Variants in SGSM3 observed in about 807,000 individuals in gnomAD.
SGSM3 encodes the protein small G protein signaling modulator 3.
Under a neutral mutation model 100.5 loss-of-function variants are expected in SGSM3, and 96 were observed. The observed-to-expected ratio is 0.96, with a 90% CI of 0.81 to 1.13. The LOEUF is 1.13. Among genes scored for constraint, SGSM3 ranks in the 50% most tolerant of loss-of-function variants. SGSM3 has a pLI of 0.00. For missense variants in SGSM3, 1,001 were observed against 1,015.8 expected, an observed-to-expected ratio of 0.99 and a Z score of 0.20; for synonymous variants, 483 against 422.8, an observed-to-expected ratio of 1.14 and a Z score of -1.75.
chr22:40,401,990 A>G (rs2146959976), intron 3 of SGSM3, 149 bp from the exon 4 acceptor site: 1 of 646,354 alleles, frequency 1.5e-6, no homozygotes, highest in Admixed American at 2.7e-5. Context: ...TTGCGTGGTA[A>G]CCAGAGGCGG....
At position 40,407,880 on chromosome 22, in the gene SGSM3, A is replaced by G. The variant is rs2051844415; in HGVS notation, c.1579+37A>G. 1 of 1,457,162 alleles carries G rather than the reference A, an allele frequency of 6.9e-7. No individual in the cohort carries two copies. Among genetic ancestry groups the G allele is most frequent in the South Asian group, 1.2e-5 (1 of 85,408 alleles). The allele number at this position is 1,457,162 out of a possible 1,614,324, so 90.3% of individuals were successfully genotyped here. A position where few individuals can be genotyped will look rare whatever the true frequency, so the allele number is the denominator to read the frequency against. ...GGTCTGCTCTTGAGCTGGGAGAGGG[A>G]GGAGGGGGTGGGCACAGAAGACTTG... is the stretch of plus-strand genomic sequence containing the variant. On this transcript the variant is annotated intron_variant, in intron 14 of 21. Transcript: ENST00000248929. This position sits in a 1 kb window ranked among gnomAD's most constrained non-coding sequence, Gnocchi z 4.7.
rs1157147821 is a variant in SGSM3 at position 40,397,968 on chromosome 22, C to CTT, written c.-111-2707_-111-2706dup. Among the ~76,000 whole-genome samples, 780 of 116,408 alleles carry CTT rather than the reference C, an allele frequency of 6.7e-3. 4 individuals carry two copies. Among genetic ancestry groups the CTT allele is most frequent in the African/African-American group, 8.5e-3 (233 of 27,482 alleles). 76.4% of individuals were successfully genotyped at this position (116,408 alleles called of 152,430 possible). A position where few individuals can be genotyped will look rare whatever the true frequency, so the allele number is the denominator to read the frequency against. On this transcript the variant is annotated intron_variant, in intron 1 of 21. Transcript: ENST00000248929. ...TTCTGTGTTTATCATCCAATTCTGT[C>CTT]TTTTTTTTTTTTTTTTTTTTTTGAG... is the stretch of plus-strand genomic sequence containing the variant.
chr22:40,380,961 A>G (rs1298902205), intron 1 of SGSM3, among the ~76,000 whole-genome samples: 1 of 152,076 alleles, frequency 6.6e-6, no homozygotes, highest in Non-Finnish European at 1.5e-5. Flanking sequence ...TTAAAAATAC[A>G]AGTTGCTGCA....
chr22:40,409,498 G>A lies in SGSM3; in HGVS notation c.2145G>A (p.Gln715=), dbSNP rs749665494. Residue 715 remains glutamine, a synonymous_variant, in exon 21 of 22, where the codon CAG becomes CAA. Coordinates refer to ENST00000248929, the MANE Select transcript of SGSM3 (RefSeq NM_015705.6). ...VLCCFAFSLS[Q]DWELPAKREA... ...GCTGCTTTGCCTTCAGCCTCTCCCA[G>A]GACTGGGAGCTCCCTGCGAAGAGAG... The A allele has an allele frequency of 8.8e-6, 14 of 1,593,282 alleles. No homozygotes were observed. The Admixed American group carries it at 1.1e-4, about 12-fold the overall frequency.
In SGSM3 at chr22:40,410,045, G is replaced by A. The variant is rs2052393673; in HGVS notation, c.*286G>A. 5 of 1,310,882 alleles carry A rather than the reference G, an allele frequency of 3.8e-6. No individual in the cohort carries two copies. Among genetic ancestry groups the A allele is most frequent in the East Asian group, 6.3e-5 (2 of 31,828 alleles). The allele number at this position is 1,310,882 out of a possible 1,614,324, so 81.2% of individuals were successfully genotyped here. On this transcript the variant is annotated 3_prime_UTR_variant, in exon 22 of 22. Transcript: ENST00000248929. ...TGTGCTCAGGAAGAGGGAAGGGGAT[G>A]GGGGTGGCTAGTAGGCTCCTGGCCT...
Position 40,409,494 on chromosome 22 carries a change from C to T in SGSM3, c.2141C>T (p.Ser714Phe), listed in dbSNP as rs1246248444. The T allele has an allele frequency of 1.3e-6, 2 of 1,591,134 alleles. No individual in the cohort carries two copies. Among genetic ancestry groups the T allele is most frequent in the Non-Finnish European group, 1.7e-6 (2 of 1,168,618 alleles). The change falls in exon 21 of 22, where the codon TCC becomes TTC. Residue 714 changes from serine (S) to phenylalanine (F), a missense_variant. Ser to Phe is a radical substitution (Grantham distance 155). Transcript: ENST00000248929. ...CTCTGCTGCTTTGCCTTCAGCCTCT[C>T]CCAGGACTGGGAGCTCCCTGCGAAG... ...RVLCCFAFSL[S>F]QDWELPAKRE...
chr22:40,401,401 C>G (rs190788071), intron 2 of SGSM3, among the ~76,000 whole-genome samples, 192 bp from the exon 3 acceptor site: 2 of 152,174 alleles, frequency 1.3e-5, no homozygotes, highest in Non-Finnish European at 2.9e-5. Context: ...GCATGTGCCA[C>G]CACGCCCAGC....
intron 19 of SGSM3, 91 bp downstream of exon 19, chr22:40,409,109 C>CAAAG (rs1315238808): frequency 1.3e-6 from 2 of 1,550,610 alleles, no homozygotes; most frequent in African/African-American, 2.7e-5. Context: ...CCCTAAAGGA[C>CAAAG]AAAGAACCTC....
chr22:40,406,378 T>G, intron 9 of SGSM3, 60 bp from the exon 10 acceptor site: 7 of 1,501,418 alleles, frequency 4.7e-6, no homozygotes, highest in Non-Finnish European at 5.4e-6. Context: ...TGGGGTCAGC[T>G]CAGTGCCACG....
chr22:40,378,457 G>A (rs981670695), intron 1 of SGSM3, among the ~76,000 whole-genome samples: 11 of 151,246 alleles, frequency 7.3e-5, no homozygotes, highest in Non-Finnish European at 1.2e-4. Context: ...GGCCGGGCAC[G>A]GTGGCTGATG....
At chr22:40,379,821 A>C (rs2047265082) in intron 1 of SGSM3, among the ~76,000 whole-genome samples, 1 of 151,836 alleles carries the variant, frequency 6.6e-6, no homozygotes, top group East Asian at 1.9e-4. Context: ...CAATCCTCCC[A>C]CCTCAGCTTC....
At position 40,408,068 on chromosome 22, in the gene SGSM3, C is replaced by G; in HGVS notation, c.1580-3C>G. On this transcript the variant is annotated splice_region_variant and splice_polypyrimidine_tract_variant and intron_variant, in intron 14 of 21. Transcript: ENST00000248929. ...CTCCTTACAGGGCCTGTTTTTCCCA[C>G]AGGCTGGTTTCCAGCCAAGTTCGTG... 6.2e-7 allele frequency: 1 copy of G among 1,613,254 alleles called. No individual in the cohort carries two copies. The highest frequency in any genetic ancestry group is 8.5e-7 in the Non-Finnish European group (1 of 1,179,788).
rs2047493472 is a variant in SGSM3, at chr22:40,381,117, A to G, written c.-112+10429A>G. Among the ~76,000 whole-genome samples the G allele has an allele frequency of 2.0e-5, 3 of 152,182 alleles. No homozygotes were observed. In the South Asian group the frequency reaches 6.2e-4, roughly 32 times the overall value. ...AACATTTTACTAGTCTATATAAGCC[A>G]TCAGAAAAGAGGTACACGCTTTTCT... is the stretch of plus-strand genomic sequence containing the variant. On this transcript the variant is annotated intron_variant, in intron 1 of 21. Coordinates refer to ENST00000248929, the MANE Select transcript of SGSM3 (RefSeq NM_015705.6).
chr22:40,380,395 C>G (rs2047373933), intron 1 of SGSM3, among the ~76,000 whole-genome samples: 2 of 141,420 alleles, frequency 1.4e-5, no homozygotes, highest in African/African-American at 5.3e-5. Flanking sequence ...GAGACAGGGT[C>G]TCACTCTGTC....
chr22:40,408,659 C>T lies in SGSM3; in HGVS notation c.1815C>T (p.Ala605=). Reference sequence around the variant, plus strand: ...GCCGGGAGGTCGAGAGAGACTTTGCCTCCGTGTATTCCCGTCTGGTGCTCT... The same window carrying T: ...GCCGGGAGGTCGAGAGAGACTTTGCTTCCGTGTATTCCCGTCTGGTGCTCT... ...AAGREVERDF[A]SVYSRLVLCK... The change falls in exon 17 of 22, where the codon GCC becomes GCT. Residue 605 remains alanine, a synonymous_variant. Coordinates refer to ENST00000248929, the MANE Select transcript of SGSM3 (RefSeq NM_015705.6). 1 of 1,614,040 alleles carries T rather than the reference C, an allele frequency of 6.2e-7. No individual in the cohort carries two copies. The highest frequency in any genetic ancestry group is 8.5e-7 in the Non-Finnish European group (1 of 1,180,026).
Position 40,410,053 on chromosome 22 carries a change from C to CTAG in SGSM3, c.*298_*300dup, listed in dbSNP as rs2052395442. The CTAG allele has an allele frequency of 1.5e-6, 2 of 1,296,306 alleles. No individual in the cohort carries two copies. The highest frequency in any genetic ancestry group is 3.1e-5 in the African/African-American group (2 of 65,268). The allele number at this position is 1,296,306 out of a possible 1,614,324, so 80.3% of individuals were successfully genotyped here. A position where few individuals can be genotyped will look rare whatever the true frequency, so the allele number is the denominator to read the frequency against. On this transcript the variant is annotated 3_prime_UTR_variant, in exon 22 of 22. Transcript: ENST00000248929. ...GGAAGAGGGAAGGGGATGGGGGTGG[C>CTAG]TAGTAGGCTCCTGGCCTCTTTGGTT...
At chr22:40,403,307 C>T (rs1354800645) in intron 4 of SGSM3, among the ~76,000 whole-genome samples, 1 of 152,068 alleles carries the variant, frequency 6.6e-6, no homozygotes, top group Non-Finnish European at 1.5e-5. Context: ...TGGAGCTCAC[C>T]CAGGGGTTGC....
At chr22:40,403,791 G>A (rs572278998) in intron 4 of SGSM3, among the ~76,000 whole-genome samples, 1 of 152,260 alleles carries the variant, frequency 6.6e-6, no homozygotes, top group South Asian at 2.1e-4. Context: ...GGGAGGTGAG[G>A]GTAGCAACAG....
At position 40,407,927 on chromosome 22, in the gene SGSM3, G is replaced by C. The variant is rs1274651305; in HGVS notation, c.1579+84G>C. ...CTTGGGTGACCCTGGCCGCCACCAA[G>C]CTGTTCTCCTCTATACACCTGCCTG... On this transcript the variant is annotated intron_variant, in intron 14 of 21. Transcript: ENST00000248929. This position sits in a 1 kb window ranked among gnomAD's most constrained non-coding sequence, Gnocchi z 4.7. 6 of 1,484,716 alleles carry C rather than the reference G, an allele frequency of 4.0e-6. No individual in the cohort carries two copies. Among genetic ancestry groups the C allele is most frequent in the South Asian group, 3.7e-5 (3 of 81,266 alleles). 92.0% of individuals were successfully genotyped at this position (1,484,716 alleles called of 1,614,324 possible). A position where few individuals can be genotyped will look rare whatever the true frequency, so the allele number is the denominator to read the frequency against.
Sources: gnomAD v4.1 joint callset for allele counts (sites outside exome capture counted in the v4.1 genomes callset) on GRCh38, gnomAD v4.1.1 for gene constraint, Gnocchi (gnomAD v3.1) non-coding constraint, MANE v1.5 for transcripts, NCBI Gene and HGNC (gene_info 2026-07-23, HGNC 2026-07-21) for gene names.